The following GRTP1 variants were observed in gnomAD, a reference collection of about 807,000 sequenced individuals.
GRTP1 encodes growth hormone-regulated TBC protein 1.
Under a neutral mutation model 38.1 loss-of-function variants are expected in GRTP1, and 56 were observed. The observed-to-expected ratio is 1.47, with a 90% CI of 1.19 to 1.84. The LOEUF is 1.84. Ranked by LOEUF, GRTP1 falls within the 40% of genes most tolerant of loss-of-function variation. GRTP1 has a pLI of 0.00. For synonymous variants in GRTP1, 217 were observed against 189.5 expected (o/e 1.14, Z -1.19); for missense variants, 506 against 453.9 (o/e 1.11, Z -1.04).
At chr13:113,345,170 A>G (rs1317377019) in intron 4 of GRTP1, among the ~76,000 whole-genome samples, 3 of 152,252 alleles carry the variant, frequency 2.0e-5, no homozygotes. Flanking sequence ...TGAAAAGTAA[A>G]AGCAAAAGGA....
In GRTP1 at chr13:113,342,782, T is replaced by G. The variant is rs921959287; in HGVS notation, c.562+2081A>C. ...CGGGATCGGAATAACCCCCTTTTCC[T>G]CCCATGATCCTAACAGTTTAGTTTT... On this transcript the variant is annotated intron_variant, in intron 5 of 7. Transcript: ENST00000375431. The surrounding 1 kb of genome is among the most constrained non-coding windows in gnomAD (Gnocchi z 4.5). 1.6e-4 allele frequency among the ~76,000 whole-genome samples: 24 copies of G among 152,320 alleles called. No homozygotes were observed. Among genetic ancestry groups the G allele is most frequent in the Admixed American group, 5.2e-4 (8 of 15,284 alleles).
At chr13:113,329,338 G>C (rs1045495777) in intron 5 of GRTP1, among the ~76,000 whole-genome samples, 2 of 152,194 alleles carry the variant, frequency 1.3e-5, no homozygotes, top group Non-Finnish European at 2.9e-5. Context: ...AGCACTTTGG[G>C]AGGCTGAGAC....
intron 5 of GRTP1, among the ~76,000 whole-genome samples, chr13:113,335,246 A>G (rs764373440): frequency 2.0e-5 from 3 of 152,014 alleles, no homozygotes; most frequent in Non-Finnish European, 4.4e-5. Flanking sequence ...CAGGCATTCA[A>G]TGTGTCATGA....
rs2043042328 is a variant in GRTP1, at chr13:113,342,655, T to G, written c.562+2208A>C. The stretch of plus-strand genomic sequence containing the variant: ...TAACTATAACTTCGAGGATGGATTT[T>G]AGAGCAGGATGACTGTGGCACTGAA... On this transcript the variant is annotated intron_variant, in intron 5 of 7. Coordinates refer to ENST00000375431, the MANE Select transcript of GRTP1 (RefSeq NM_024719.4). This position sits in a 1 kb window ranked among gnomAD's most constrained non-coding sequence, Gnocchi z 4.5. Among the ~76,000 whole-genome samples the G allele has an allele frequency of 6.6e-6, 1 of 152,130 alleles. No homozygotes were observed. The highest frequency in any genetic ancestry group is 1.5e-5 in the Non-Finnish European group (1 of 68,022).
At chr13:113,330,251 A>G (rs1227319572) in intron 5 of GRTP1, among the ~76,000 whole-genome samples, 71 of 100,782 alleles carry the variant, frequency 7.0e-4, no homozygotes, top group African/African-American at 1.4e-3. Flanking sequence ...GTGCATGGAA[A>G]CCCAGGTGTG....
chr13:113,354,769 C>A (rs1047379585), intron 3 of GRTP1, among the ~76,000 whole-genome samples: 1 of 152,160 alleles, frequency 6.6e-6, no homozygotes, highest in African/African-American at 2.4e-5. Flanking sequence ...TCAGGTGATC[C>A]GCCCTCCTCA....
At chr13:113,353,581 A>G (rs74115860) in intron 3 of GRTP1, among the ~76,000 whole-genome samples, 3 of 152,154 alleles carry the variant, frequency 2.0e-5, no homozygotes, top group African/African-American at 7.2e-5. Flanking sequence ...GTACAGTGGG[A>G]CTGCCAGGGG....
At chr13:113,325,178 C>T (rs932158184) in intron 7 of GRTP1, 38 of 1,060,774 alleles carry the variant, frequency 3.6e-5, no homozygotes, top group African/African-American at 8.4e-5. Context: ...ATACCGCCCA[C>T]GTTTGCCATG....
At position 113,324,375 on chromosome 13, in the gene GRTP1, T is replaced by G; in HGVS notation, c.*113A>C. On this transcript the variant is annotated 3_prime_UTR_variant, in exon 8 of 8. Transcript: ENST00000375431. Reference sequence around the variant, plus strand: ...TAAAAAATTCACAACTAAAGTGTAGTGATGTCAAGTATTTACAACACTAAA... The same window carrying G: ...TAAAAAATTCACAACTAAAGTGTAGGGATGTCAAGTATTTACAACACTAAA... The G allele has an allele frequency of 7.3e-7, 1 of 1,364,418 alleles. No homozygotes were observed. Among genetic ancestry groups the G allele is most frequent in the Non-Finnish European group, 9.5e-7 (1 of 1,052,144 alleles). 84.5% of individuals were successfully genotyped at this position (1,364,418 alleles called of 1,614,324 possible). A position where few individuals can be genotyped will look rare whatever the true frequency, so the allele number is the denominator to read the frequency against.
At position 113,342,287 on chromosome 13, in the gene GRTP1, C is replaced by T. The variant is rs1298203813; in HGVS notation, c.562+2576G>A. ...TTGGGAGGCCGAGGCAGGCGGATCA[C>T]GAGGTCAGGAGATCGAGACCATCCT... On this transcript the variant is annotated intron_variant, in intron 5 of 7. Coordinates refer to ENST00000375431, the MANE Select transcript of GRTP1 (RefSeq NM_024719.4). The surrounding 1 kb of genome is among the most constrained non-coding windows in gnomAD (Gnocchi z 4.5). Among the ~76,000 whole-genome samples, 8 of 152,082 alleles carry T rather than the reference C, an allele frequency of 5.3e-5. No individual in the cohort carries two copies. Among genetic ancestry groups the T allele is most frequent in the East Asian group, 1.9e-4 (1 of 5,158 alleles).
chr13:113,328,562 C>G (rs1478151304), intron 5 of GRTP1, among the ~76,000 whole-genome samples: 1 of 152,210 alleles, frequency 6.6e-6, no homozygotes, highest in African/African-American at 2.4e-5. Context: ...CTCTGTCGCC[C>G]AAGCTGGAGT....
At chr13:113,354,529 A>ATT (rs368158711) in intron 3 of GRTP1, among the ~76,000 whole-genome samples, 19 of 145,250 alleles carry the variant, frequency 1.3e-4, no homozygotes, top group Non-Finnish European at 2.0e-4. Flanking sequence ...AGGTTAACCA[A>ATT]TATTTTTTTT....
intron 2 of GRTP1, among the ~76,000 whole-genome samples, chr13:113,357,757 G>A (rs1245894319): frequency 6.6e-6 from 1 of 152,184 alleles, no homozygotes; most frequent in Non-Finnish European, 1.5e-5. Context: ...CTATACAACA[G>A]CAGGAGACGG....
chr13:113,329,068 G>A (rs2042818119), intron 5 of GRTP1, among the ~76,000 whole-genome samples: 1 of 152,238 alleles, frequency 6.6e-6, no homozygotes, highest in African/African-American at 2.4e-5. Context: ...CCCCGATCCG[G>A]GTGCTCTCCA....
chr13:113,344,991 A>G (rs555959328), intron 4 of GRTP1, 32 bp from the exon 5 acceptor site: 1 of 1,581,744 alleles, frequency 6.3e-7, no homozygotes, highest in East Asian at 2.3e-5. Context: ...ACAAATTCAC[A>G]TTGAGTTTTA....
chr13:113,352,801 C>A (rs2043310230), intron 3 of GRTP1, among the ~76,000 whole-genome samples: 1 of 152,234 alleles, frequency 6.6e-6, no homozygotes, highest in Admixed American at 6.5e-5. Context: ...GGGACTGGAC[C>A]ATCCACTGCA....
intron 4 of GRTP1, among the ~76,000 whole-genome samples, chr13:113,347,376 GA>G: frequency 1.2e-5 from 1 of 85,460 alleles, no homozygotes; most frequent in Admixed American, 1.0e-4. Context: ...GAGGACCTCT[GA>G]AGCCGAGAGC....
At chr13:113,363,222 C>T (rs2043530453) in intron 2 of GRTP1, among the ~76,000 whole-genome samples, 1 of 152,134 alleles carries the variant, frequency 6.6e-6, no homozygotes, top group Non-Finnish European at 1.5e-5. Context: ...TGGGTCCCGT[C>T]ACAAGGACGG....
At chr13:113,325,124 C>T (rs2042740413) in intron 7 of GRTP1, 1 of 1,018,600 alleles carries the variant, frequency 9.8e-7, no homozygotes, top group African/African-American at 1.7e-5. Context: ...GCCACCGCGC[C>T]CGGCCAACAT....
Sources: gnomAD v4.1 joint callset for allele counts (sites outside exome capture counted in the v4.1 genomes callset) on GRCh38, gnomAD v4.1.1 for gene constraint, Gnocchi (gnomAD v3.1) non-coding constraint, MANE v1.5 for transcripts, NCBI Gene and HGNC (gene_info 2026-07-23, HGNC 2026-07-21) for gene names.